Variants in TAFA2 observed in about 807,000 individuals in gnomAD.
TAFA2 encodes chemokine-like protein TAFA-2.
TAFA2 carries 7 observed loss-of-function variants against 18.8 expected under a neutral mutation model. That is an observed-to-expected ratio of 0.37 (90% CI 0.21 to 0.70). TAFA2 has a LOEUF of 0.70. Among genes scored for constraint, TAFA2 ranks in the 30% least tolerant of loss-of-function variants. The pLI is 0.53. For missense variants in TAFA2, 122 were observed against 158.1 expected (o/e 0.77, Z 1.23); for synonymous variants, 60 against 54.2 (o/e 1.11, Z -0.47).
chr12:62,028,084 C>T (rs1881355294), intron 1 of TAFA2, among the ~76,000 whole-genome samples: 1 of 152,104 alleles, frequency 6.6e-6, no homozygotes, highest in East Asian at 1.9e-4. Flanking sequence ...CATGGGGCCA[C>T]ATTATGGTTA....
At chr12:62,242,372 T>C (rs1250906810) in intron 1 of TAFA2, 1 of 152,106 alleles carries the variant, frequency 6.6e-6, no homozygotes, top group Non-Finnish European at 1.5e-5. Context: ...AAAAGTATAG[T>C]TTAACACTTG....
At chr12:61,832,366 C>T (rs1029870817) in intron 2 of TAFA2, among the ~76,000 whole-genome samples, 1 of 152,062 alleles carries the variant, frequency 6.6e-6, no homozygotes, top group African/African-American at 2.4e-5. Flanking sequence ...AAATCACTTG[C>T]AGGTGCCCTG....
At chr12:62,110,028 G>C (rs1869649329) in intron 1 of TAFA2, among the ~76,000 whole-genome samples, 1 of 152,094 alleles carries the variant, frequency 6.6e-6, no homozygotes, top group Admixed American at 6.6e-5. Context: ...GAATAGGAGT[G>C]GTGAGAGAGG....
chr12:61,790,695 C>A (rs1362244482), intron 2 of TAFA2, among the ~76,000 whole-genome samples: 2 of 151,692 alleles, frequency 1.3e-5, no homozygotes, highest in Non-Finnish European at 2.9e-5. Context: ...CTATAAAATG[C>A]AGATGAAAGC....
At chr12:61,771,520 T>C (rs1033105567) in intron 2 of TAFA2, among the ~76,000 whole-genome samples, 1 of 151,966 alleles carries the variant, frequency 6.6e-6, no homozygotes, top group East Asian at 1.9e-4. Context: ...ATTGAAATTA[T>C]ATCAAGTACT....
intron 1 of TAFA2, chr12:62,021,850 A>G (rs1237023932): frequency 2.5e-6 from 2 of 788,922 alleles, no homozygotes; most frequent in Non-Finnish European, 4.6e-6. Context: ...ACAAAACTTC[A>G]TGGATTTAGT....
At chr12:62,237,149 T>C (rs2062841498) in intron 1 of TAFA2, among the ~76,000 whole-genome samples, 1 of 152,238 alleles carries the variant, frequency 6.6e-6, no homozygotes, top group South Asian at 2.1e-4. Flanking sequence ...TTTATTCTTT[T>C]TTCTTTTCTG....
rs375672936 is a variant in TAFA2, at chr12:61,713,030, AG to A, written c.385-2614del. 1.5e-4 allele frequency among the ~76,000 whole-genome samples: 23 copies of A among 152,302 alleles called. No individual in the cohort carries two copies. In the East Asian group the frequency reaches 4.2e-3, roughly 28 times the overall value. ...TGAATGTATAAATCTTTAACAAGAG[AG>A]CCACTAAAAGTAGAATGAAAGAATC... is the stretch of plus-strand genomic sequence containing the variant. On this transcript the variant is annotated intron_variant, in intron 4 of 4. Transcript: ENST00000416284.
chr12:61,937,206 T>C (rs889725823), intron 1 of TAFA2, among the ~76,000 whole-genome samples: 14 of 152,104 alleles, frequency 9.2e-5, no homozygotes, highest in Non-Finnish European at 1.8e-4. Flanking sequence ...GAAGAATAAA[T>C]ATCATGAAAA....
intron 2 of TAFA2, among the ~76,000 whole-genome samples, chr12:61,794,776 A>G (rs75241086): frequency 6.6e-6 from 1 of 152,124 alleles, no homozygotes; most frequent in East Asian, 1.9e-4. Context: ...AGAAACCACC[A>G]TCAGAGTGAA....
At position 61,730,768 on chromosome 12, in the gene TAFA2, CA is replaced by C. The variant is rs1870405295; in HGVS notation, c.385-20352del. On this transcript the variant is annotated intron_variant, in intron 4 of 4. Coordinates refer to ENST00000416284, the MANE Select transcript of TAFA2 (RefSeq NM_178539.5). ...TCTCATTCCTGCCATGCTCCCCCAA[CA>C]GCCAACAGAGCCAAATTTACATCCA... is the stretch of plus-strand genomic sequence containing the variant. Among the ~76,000 whole-genome samples, 3 of 152,220 alleles carry C rather than the reference CA, an allele frequency of 2.0e-5. No homozygotes were observed. The South Asian group carries it at 6.2e-4, about 32-fold the overall frequency.
intron 1 of TAFA2, among the ~76,000 whole-genome samples, chr12:61,949,877 A>G (rs2121449668): frequency 6.6e-6 from 1 of 152,240 alleles, no homozygotes; most frequent in South Asian, 2.1e-4. Context: ...AAACTTTTTC[A>G]TCTTGCAAAA....
chr12:62,089,238 T>A (rs933192031), intron 1 of TAFA2, among the ~76,000 whole-genome samples: 23 of 152,070 alleles, frequency 1.5e-4, no homozygotes, highest in South Asian at 4.1e-4. Flanking sequence ...TATACTTTTT[T>A]AAAGTGATGG....
chr12:61,898,241 T>C (rs1421897150), intron 1 of TAFA2, among the ~76,000 whole-genome samples: 1 of 152,216 alleles, frequency 6.6e-6, no homozygotes. Flanking sequence ...TGTCTGCATC[T>C]TTTCCAGATG....
chr12:61,916,929 A>T (rs1386469425), intron 1 of TAFA2, among the ~76,000 whole-genome samples: 1 of 152,228 alleles, frequency 6.6e-6, no homozygotes, highest in Non-Finnish European at 1.5e-5. Flanking sequence ...ATGTATTCTT[A>T]ATAGCTACAT....
intron 1 of TAFA2, among the ~76,000 whole-genome samples, chr12:62,008,258 T>C (rs1013056638): frequency 5.3e-5 from 8 of 152,198 alleles, no homozygotes; most frequent in Admixed American, 4.6e-4. Flanking sequence ...GTTACTGTCA[T>C]TTCCTTTTGA....
chr12:62,024,837 C>A (rs1203585055), intron 1 of TAFA2, among the ~76,000 whole-genome samples: 1 of 151,956 alleles, frequency 6.6e-6, no homozygotes, highest in Non-Finnish European at 1.5e-5. Context: ...GACATTCAAG[C>A]AAACTACAAA....
At chr12:61,903,010 C>G (rs1274446626) in intron 1 of TAFA2, among the ~76,000 whole-genome samples, 4 of 152,086 alleles carry the variant, frequency 2.6e-5, no homozygotes, top group African/African-American at 9.7e-5. Flanking sequence ...CACTTCTATT[C>G]TTGCCCAACG....
intron 1 of TAFA2, among the ~76,000 whole-genome samples, chr12:62,014,668 TGTCA>T (rs1289263276): frequency 6.6e-6 from 1 of 152,144 alleles, no homozygotes; most frequent in Non-Finnish European, 1.5e-5. Flanking sequence ...CATGTTCAGT[TGTCA>T]GTAATTTTCT....
Sources: allele counts gnomAD v4.1 joint callset (sites outside exome capture counted in the v4.1 genomes callset), GRCh38; gene constraint gnomAD v4.1.1; transcripts MANE v1.5; gene names NCBI Gene and HGNC (gene_info 2026-07-23, HGNC 2026-07-21).